The following DST variants were observed in gnomAD, a reference collection of about 807,000 sequenced individuals.
DST encodes the protein dystonin.
In DST, 253 loss-of-function variants were observed where a neutral mutation model predicts 875.2. The ratio of observed to expected loss-of-function variants is 0.29; its 90% CI spans 0.26 to 0.32. The LOEUF is 0.32. Ranked by LOEUF, DST falls within the 10% of genes least tolerant of loss-of-function variation. The pLI, the probability that DST is intolerant of heterozygous loss-of-function variation, is 1.00. For missense variants in DST, 8,287 were observed against 9,111.6 expected, an observed-to-expected ratio of 0.91 and a Z score of 3.68; for synonymous variants, 3,124 against 3,197.1, an observed-to-expected ratio of 0.98 and a Z score of 0.77.
chr6:56,501,734 T>C, intron 78 of DST, 41 bp from the exon 79 acceptor site: 1 of 1,407,820 alleles, frequency 7.1e-7, no homozygotes, highest in Non-Finnish European at 9.6e-7. Context: ...TTGTTAAAAA[T>C]CACTAACTCC....
chr6:56,721,557 T>C (rs2099416778), intron 5 of DST, among the ~76,000 whole-genome samples: 1 of 152,220 alleles, frequency 6.6e-6, no homozygotes, highest in African/African-American at 2.4e-5. Flanking sequence ...TGCCATGGCT[T>C]CAGCCGGTCC....
In DST at chr6:56,645,260, C is replaced by T. The variant is rs551537190; in HGVS notation, c.1778+606G>A. 2.0e-5 allele frequency among the ~76,000 whole-genome samples: 3 copies of T among 152,280 alleles called. No homozygotes were observed. The South Asian group carries it at 6.2e-4, about 32-fold the overall frequency. On this transcript the variant is annotated intron_variant, in intron 15 of 103. Coordinates refer to ENST00000680361, the MANE Select transcript of DST (RefSeq NM_001374736.1). ...TACCAGGTTAAGACTGTAAGGGAGACAAATTCATCCAACAAGCATTTCCTG... is the reference window on the plus strand; with the variant it reads ...TACCAGGTTAAGACTGTAAGGGAGATAAATTCATCCAACAAGCATTTCCTG...
chr6:56,635,092 A>T (rs2098812775), intron 24 of DST, 139 bp from the exon 25 acceptor site: 1 of 685,358 alleles, frequency 1.5e-6, no homozygotes, highest in Non-Finnish European at 2.4e-6. Context: ...TTCCTCCTCC[A>T]CCCCATCTTG....
At chr6:56,643,866 C>T (rs2098927204) in intron 15 of DST, among the ~76,000 whole-genome samples, 1 of 152,182 alleles carries the variant, frequency 6.6e-6, no homozygotes, top group South Asian at 2.1e-4. Flanking sequence ...ATAACAGTGG[C>T]ACCTGGCATT....
chr6:56,614,815 C>T (rs925445770), intron 36 of DST: 1 of 1,005,846 alleles, frequency 9.9e-7, no homozygotes, highest in South Asian at 4.5e-5. Context: ...ATTAGCATTA[C>T]AATCCTAATT....
At chr6:56,799,877 G>A (rs1042422147) in intron 4 of DST, among the ~76,000 whole-genome samples, 1 of 151,928 alleles carries the variant, frequency 6.6e-6, no homozygotes, top group Non-Finnish European at 1.5e-5. Flanking sequence ...ACCCCACCTC[G>A]GCCTCCCAAC....
intron 4 of DST, among the ~76,000 whole-genome samples, chr6:56,764,169 T>C (rs2099626497): frequency 6.6e-6 from 1 of 151,344 alleles, no homozygotes; most frequent in Non-Finnish European, 1.5e-5. Context: ...AACCCTGGTC[T>C]GACCACTTCT....
At chr6:56,830,775 T>C (rs910162646) in intron 4 of DST, among the ~76,000 whole-genome samples, 6 of 152,244 alleles carry the variant, frequency 3.9e-5, no homozygotes, top group African/African-American at 1.4e-4. Flanking sequence ...TTCCTAACTA[T>C]GGACTGTAAT....
chr6:56,561,795 A>C (rs902983961), intron 56 of DST, among the ~76,000 whole-genome samples: 1 of 152,194 alleles, frequency 6.6e-6, no homozygotes, highest in African/African-American at 2.4e-5. Context: ...ATGTAACAAA[A>C]AACAAACCAC....
chr6:56,771,976 T>C (rs2099667322), intron 4 of DST, among the ~76,000 whole-genome samples: 1 of 152,182 alleles, frequency 6.6e-6, no homozygotes, highest in Admixed American at 6.5e-5. Context: ...ATATAAAGTA[T>C]TAATACTCCA....
At chr6:56,937,336 T>A (rs1447381671) in intron 2 of DST, among the ~76,000 whole-genome samples, 2 of 151,876 alleles carry the variant, frequency 1.3e-5, no homozygotes, top group African/African-American at 2.4e-5. Flanking sequence ...GAAAAAAAAA[T>A]CAATTTTACA....
chr6:56,753,177 G>A (rs1435836743), intron 4 of DST, among the ~76,000 whole-genome samples: 1 of 152,116 alleles, frequency 6.6e-6, no homozygotes, highest in South Asian at 2.1e-4. Context: ...GGTAGAAGAA[G>A]GCATAACTGT....
chr6:56,850,402 T>C (rs1282259573), intron 4 of DST, among the ~76,000 whole-genome samples: 2 of 109,026 alleles, frequency 1.8e-5, no homozygotes, highest in African/African-American at 8.0e-5. Context: ...CAATACAGTA[T>C]AGGAGGCAAA....
In DST at chr6:56,458,112, T is replaced by C. The variant is rs2094158647; in HGVS notation, c.*893A>G. 6.6e-6 allele frequency: 1 copy of C among 152,526 alleles called. No homozygotes were observed. Among genetic ancestry groups the C allele is most frequent in the Non-Finnish European group, 1.5e-5 (1 of 68,010 alleles). 9.4% of individuals were successfully genotyped at this position (152,526 alleles called of 1,614,324 possible). A position where few individuals can be genotyped will look rare whatever the true frequency, so the allele number is the denominator to read the frequency against. Reference sequence around the variant, plus strand: ...TATAGATAGATATAATACCAGAACATGATTATTTCAGATGAGAAATCAAAA... The same window carrying C: ...TATAGATAGATATAATACCAGAACACGATTATTTCAGATGAGAAATCAAAA... On this transcript the variant is annotated 3_prime_UTR_variant, in exon 104 of 104. Transcript: ENST00000680361.
chr6:56,801,747 AT>A (rs200681543), intron 4 of DST, among the ~76,000 whole-genome samples: 8,115 of 132,316 alleles, frequency 0.061, 177 homozygotes, highest in Middle Eastern at 0.077. Flanking sequence ...TCACACAATA[AT>A]TTTTTTTTTT....
chr6:56,763,734 TGGGTGG>T (rs1233960705), intron 4 of DST, among the ~76,000 whole-genome samples: 6 of 119,978 alleles, frequency 5.0e-5, no homozygotes, highest in African/African-American at 2.0e-4. Context: ...CATATAGGGA[TGGGTGG>T]GGGTGGGGGG....
chr6:56,854,959 C>T (rs551773359), intron 3 of DST, among the ~76,000 whole-genome samples: 1 of 152,298 alleles, frequency 6.6e-6, no homozygotes, highest in South Asian at 2.1e-4. Context: ...GGCATGTATG[C>T]TGAAAACAAG....
intron 4 of DST, among the ~76,000 whole-genome samples, chr6:56,754,879 A>G (rs1230764229): frequency 3.3e-5 from 5 of 152,160 alleles, no homozygotes; most frequent in East Asian, 1.9e-4. Flanking sequence ...TTCAGTTAGT[A>G]TAAGTTATTC....
intron 4 of DST, among the ~76,000 whole-genome samples, chr6:56,770,826 C>A (rs1039548086): frequency 2.0e-5 from 3 of 151,954 alleles, no homozygotes; most frequent in Admixed American, 6.6e-5. Context: ...CATGGAGAAA[C>A]CCCGTCTCTA....
Sources: gnomAD v4.1 joint callset for allele counts (sites outside exome capture counted in the v4.1 genomes callset) on GRCh38, gnomAD v4.1.1 for gene constraint, MANE v1.5 for transcripts, NCBI Gene and HGNC (gene_info 2026-07-23, HGNC 2026-07-21) for gene names.